AP2B1: variants seen among roughly 807,000 people sequenced by gnomAD.
The protein encoded by AP2B1 is AP-2 complex subunit beta.
AP2B1 carries 23 observed loss-of-function variants against 102.0 expected under a neutral mutation model. The ratio of observed to expected loss-of-function variants is 0.23; its 90% CI spans 0.16 to 0.32. The LOEUF is 0.32. AP2B1 is among the 10% of genes least tolerant of loss of function. The pLI is 1.00. For synonymous variants in AP2B1, 381 were observed against 421.2 expected, an observed-to-expected ratio of 0.90 and a Z score of 1.17; for missense variants, 541 against 1,157.4, an observed-to-expected ratio of 0.47 and a Z score of 7.73.
intron 5 of AP2B1, among the ~76,000 whole-genome samples, chr17:35,614,546 C>G (rs754851604): frequency 2.5e-4 from 37 of 149,600 alleles, no homozygotes; most frequent in Admixed American, 1.7e-3. Context: ...ACTGCGTAGC[C>G]CCTTTGATCT....
At chr17:35,665,248 C>T (rs148136793) in intron 14 of AP2B1, among the ~76,000 whole-genome samples, 32 of 151,460 alleles carry the variant, frequency 2.1e-4, no homozygotes, top group Non-Finnish European at 4.4e-4. Context: ...CCACCGCAGC[C>T]TCCGAACTAG....
chr17:35,614,025 G>A (rs1244017530), intron 5 of AP2B1, among the ~76,000 whole-genome samples: 2 of 152,054 alleles, frequency 1.3e-5, no homozygotes, highest in African/African-American at 2.4e-5. Flanking sequence ...ACTTTTGAAT[G>A]AATGATAGTA....
chr17:35,640,240 T>A (rs1248129463), intron 11 of AP2B1, among the ~76,000 whole-genome samples: 8 of 138,006 alleles, frequency 5.8e-5, no homozygotes, highest in South Asian at 2.4e-4. Context: ...TTTTTTTTTT[T>A]TTTTTTTTTT....
intron 6 of AP2B1, among the ~76,000 whole-genome samples, chr17:35,625,033 A>G (rs1422198299): frequency 1.3e-5 from 2 of 152,226 alleles, no homozygotes; most frequent in Non-Finnish European, 2.9e-5. Context: ...GTAGATATGG[A>G]AACCATGTCA....
intron 21 of AP2B1, among the ~76,000 whole-genome samples, chr17:35,717,637 A>G (rs1283537001): frequency 1.3e-5 from 2 of 152,202 alleles, no homozygotes; most frequent in African/African-American, 2.4e-5. Flanking sequence ...CCTCAATATC[A>G]GTTAATACAT....
intron 14 of AP2B1, among the ~76,000 whole-genome samples, chr17:35,658,156 G>T (rs1343265849): frequency 3.3e-5 from 5 of 152,054 alleles, no homozygotes; most frequent in African/African-American, 1.2e-4. Context: ...GACCTGAACG[G>T]CATTAAAGTG....
chr17:35,699,884 T>C (rs1173255470), intron 18 of AP2B1, among the ~76,000 whole-genome samples: 1 of 151,986 alleles, frequency 6.6e-6, no homozygotes, highest in Admixed American at 6.6e-5. Context: ...CTGGGCAACA[T>C]AGTAAGACTA....
At chr17:35,644,470 C>T (rs193105917) in intron 12 of AP2B1, among the ~76,000 whole-genome samples, 398 of 152,066 alleles carry the variant, frequency 2.6e-3, no homozygotes, top group African/African-American at 9.0e-3. Context: ...CTCCACCTCC[C>T]GGGTTCAAAC....
In AP2B1 at chr17:35,723,820, A is replaced by G. The variant is rs2085472319; in HGVS notation, c.*121A>G. On this transcript the variant is annotated 3_prime_UTR_variant, in exon 22 of 22. Transcript: ENST00000610402. ...CACTGAGGCCACCTAGCAAGGTAGT[A>G]ACTAGTCTAACCTGTGCTAACATTA... 1 of 712,830 alleles carries G rather than the reference A, an allele frequency of 1.4e-6. No individual in the cohort carries two copies. Among genetic ancestry groups the G allele is most frequent in the South Asian group, 1.6e-5 (1 of 60,978 alleles). The allele number at this position is 712,830 out of a possible 1,614,324, so 44.2% of individuals were successfully genotyped here.
chr17:35,631,323 T>C (rs370281195), intron 9 of AP2B1, among the ~76,000 whole-genome samples: 1 of 152,144 alleles, frequency 6.6e-6, no homozygotes, highest in South Asian at 2.1e-4. Flanking sequence ...AAAAAACATA[T>C]TTTTCCTATT....
At chr17:35,671,590 A>G (rs989363063) in intron 15 of AP2B1, among the ~76,000 whole-genome samples, 164 bp from the exon 16 acceptor site, 4 of 152,244 alleles carry the variant, frequency 2.6e-5, no homozygotes, top group African/African-American at 9.6e-5. Flanking sequence ...AATAACTGTC[A>G]TGATTAAAAA....
At chr17:35,607,477 G>C (rs1369551806) in intron 4 of AP2B1, among the ~76,000 whole-genome samples, 1 of 152,180 alleles carries the variant, frequency 6.6e-6, no homozygotes, top group African/African-American at 2.4e-5. Context: ...TTAGAGTTGT[G>C]CATAGATTTA....
chr17:35,682,272 AAAG>A, intron 17 of AP2B1, among the ~76,000 whole-genome samples: 1 of 151,946 alleles, frequency 6.6e-6, no homozygotes, highest in Non-Finnish European at 1.5e-5. Context: ...AAAAAAAAAA[AAAG>A]TTTCCTTTAA....
rs569701571 is a variant in AP2B1 at position 35,627,245 on chromosome 17, C to CTTTTTTT, written c.939-122_939-116dup. 1.2e-3 allele frequency: 211 copies of CTTTTTTT among 178,488 alleles called. 6 individuals carry two copies. The highest frequency in any genetic ancestry group is 3.0e-3 in the East Asian group (22 of 7,430). 11.1% of individuals were successfully genotyped at this position (178,488 alleles called of 1,614,324 possible). ...TAGAGGCGTATAGAGGAAGTTTATG[C>CTTTTTTT]TTTTTTTTTTTTTTTTTTTTTTTTG... On this transcript the variant is annotated intron_variant, in intron 7 of 21. Coordinates refer to ENST00000610402, the MANE Select transcript of AP2B1 (RefSeq NM_001030006.2).
At chr17:35,720,589 T>A (rs2085356334) in intron 21 of AP2B1, among the ~76,000 whole-genome samples, 1 of 117,354 alleles carries the variant, frequency 8.5e-6, no homozygotes, top group African/African-American at 3.7e-5. Context: ...TTTTTTTTTT[T>A]TTTTTTTTTT....
At chr17:35,653,744 A>G (rs2075147806) in intron 13 of AP2B1, among the ~76,000 whole-genome samples, 1 of 152,102 alleles carries the variant, frequency 6.6e-6, no homozygotes, top group Admixed American at 6.6e-5. Context: ...CCAAAGTGCC[A>G]GGATCGCAGA....
At chr17:35,633,496 CT>C (rs2074522066) in intron 9 of AP2B1, among the ~76,000 whole-genome samples, 5 of 151,948 alleles carry the variant, frequency 3.3e-5, no homozygotes, top group Admixed American at 3.3e-4. Flanking sequence ...TATAGTACTT[CT>C]AAAGATCTTA....
chr17:35,647,503 A>G (rs2074967784), intron 12 of AP2B1, among the ~76,000 whole-genome samples: 1 of 152,182 alleles, frequency 6.6e-6, no homozygotes, highest in African/African-American at 2.4e-5. Flanking sequence ...AGACATTCAT[A>G]TGTATACATA....
At chr17:35,691,571 C>T (rs2076042151) in intron 18 of AP2B1, among the ~76,000 whole-genome samples, 2 of 152,226 alleles carry the variant, frequency 1.3e-5, no homozygotes, top group African/African-American at 4.8e-5. Context: ...GAGGACTGCA[C>T]ACTCTGATTG....
Sources: allele counts gnomAD v4.1 joint callset (sites outside exome capture counted in the v4.1 genomes callset), GRCh38; gene constraint gnomAD v4.1.1; transcripts MANE v1.5; gene names NCBI Gene and HGNC (gene_info 2026-07-23, HGNC 2026-07-21).